EFCAB6: variants seen among roughly 807,000 people sequenced by gnomAD.
EFCAB6 encodes the protein EF-hand calcium-binding domain-containing protein 6.
A neutral mutation model predicts 169.8 loss-of-function variants in EFCAB6; 156 were observed. The ratio of observed to expected loss-of-function variants is 0.92; its 90% confidence interval spans 0.81 to 1.05. The LOEUF (loss-of-function observed/expected upper bound fraction) is 1.05, where lower values mean the gene tolerates loss of function less well. Among genes scored for constraint, EFCAB6 ranks in the 50% least tolerant of loss-of-function variants. The probability of loss-of-function intolerance (pLI) is 0.00; values close to 1 mark genes in which losing one functional copy is unlikely to be tolerated. For missense variants in EFCAB6, 1,800 were observed against 1,829.1 expected (o/e 0.98, Z 0.29); for synonymous variants, 698 against 676.4 (o/e 1.03, Z -0.50).
rs146948595 is a variant in EFCAB6 at position 43,643,751 on chromosome 22, A to T, written c.1984-8535T>A. On this transcript the variant is annotated intron_variant, in intron 17 of 31. Transcript: ENST00000262726. ...TGTTTGGAACAGGTCTACAGCAGGG[A>T]TAGGGTGTCTATGAGTCAGCAACTA... Among the ~76,000 whole-genome samples the T allele has an allele frequency of 6.8e-3, 1,029 of 152,242 alleles. 10 individuals are homozygous for T. The highest frequency in any genetic ancestry group is 0.024 in the African/African-American group (998 of 41,556).
At chr22:43,629,455 G>GCCC (rs1025296397) in intron 19 of EFCAB6, among the ~76,000 whole-genome samples, 10 of 152,212 alleles carry the variant, frequency 6.6e-5, no homozygotes, top group Admixed American at 6.5e-4. Context: ...CCTGTGTGTG[G>GCCC]CCCTCCAGTT....
intron 9 of EFCAB6, among the ~76,000 whole-genome samples, chr22:43,714,387 A>G (rs1348453999): frequency 1.3e-5 from 2 of 152,198 alleles, no homozygotes; most frequent in African/African-American, 4.8e-5. Context: ...ACTATGACAC[A>G]GTATCCATTG....
intron 20 of EFCAB6, among the ~76,000 whole-genome samples, chr22:43,618,093 C>T (rs2147745056): frequency 7.3e-6 from 1 of 137,212 alleles, no homozygotes; most frequent in South Asian, 2.4e-4. Flanking sequence ...CAGAGTGAGA[C>T]TCCATCTCAA....
chr22:43,595,252 G>A (rs1413006553), intron 23 of EFCAB6, among the ~76,000 whole-genome samples: 1 of 151,664 alleles, frequency 6.6e-6, no homozygotes, highest in South Asian at 2.1e-4. Flanking sequence ...ACCTAAATTA[G>A]TAGAAAGGAA....
intron 10 of EFCAB6, among the ~76,000 whole-genome samples, chr22:43,702,790 T>TA (rs1222580362): frequency 6.6e-6 from 1 of 152,050 alleles, no homozygotes; most frequent in African/African-American, 2.4e-5. Flanking sequence ...CTCCCAGAAA[T>TA]AAAAAGAAGT....
intron 9 of EFCAB6, among the ~76,000 whole-genome samples, chr22:43,711,841 G>A (rs1035483077): frequency 7.9e-5 from 12 of 152,136 alleles, no homozygotes; most frequent in African/African-American, 2.9e-4. Flanking sequence ...AGGCAGACAC[G>A]TTTCCCAGGG....
intron 17 of EFCAB6, among the ~76,000 whole-genome samples, chr22:43,665,699 A>C (rs1182359192): frequency 6.6e-6 from 1 of 152,194 alleles, no homozygotes; most frequent in Non-Finnish European, 1.5e-5. Context: ...AAACTGCTCT[A>C]ATCAAAATCA....
chr22:43,578,297 C>T (rs1251303011), intron 25 of EFCAB6, among the ~76,000 whole-genome samples: 1 of 152,104 alleles, frequency 6.6e-6, no homozygotes, highest in Admixed American at 6.5e-5. Flanking sequence ...GGGCTTGTGG[C>T]CCCCCAGCAC....
chr22:43,541,066 A>G (rs2047687251), intron 27 of EFCAB6, among the ~76,000 whole-genome samples: 1 of 152,128 alleles, frequency 6.6e-6, no homozygotes, highest in African/African-American at 2.4e-5. Context: ...TTCCAATTTG[A>G]TTTTTGCACA....
intron 26 of EFCAB6, among the ~76,000 whole-genome samples, chr22:43,559,324 G>A (rs900215089): frequency 3.3e-5 from 5 of 152,136 alleles, no homozygotes; most frequent in Non-Finnish European, 2.9e-5. Context: ...ACCCTCTTAC[G>A]CCAGTTAGAA....
intron 5 of EFCAB6, among the ~76,000 whole-genome samples, chr22:43,760,362 A>T (rs1023241172): frequency 1.3e-5 from 2 of 152,212 alleles, no homozygotes; most frequent in African/African-American, 2.4e-5. Context: ...GTGTCAGTCT[A>T]ACTGTCACTC....
At chr22:43,780,486 C>CA (rs34634496) in intron 3 of EFCAB6, among the ~76,000 whole-genome samples, 24,071 of 49,130 alleles carry the variant, frequency 0.49, 6,517 homozygotes, top group African/African-American at 0.61. Flanking sequence ...GACTCTGTCT[C>CA]AAAAAAAAAA....
intron 24 of EFCAB6, among the ~76,000 whole-genome samples, chr22:43,584,043 T>A (rs1187330809): frequency 2.0e-5 from 3 of 152,186 alleles, no homozygotes; most frequent in Non-Finnish European, 4.4e-5. Context: ...GTTATAATAA[T>A]AAAATGGTAT....
chr22:43,716,923 CA>C lies in EFCAB6; in HGVS notation c.806del (p.Leu269CysfsTer2), dbSNP rs1264357654. On this transcript the variant is annotated frameshift_variant, in exon 9 of 32. Coordinates refer to ENST00000262726, the MANE Select transcript of EFCAB6 (RefSeq NM_022785.4). LOFTEE classifies it high-confidence loss of function. Reference sequence around the variant, plus strand: ...TATCTTCAGATGATGCAGAACCTAGCAAACGTTCCTTTTTGGAATTTTTGGC... The same window carrying C: ...TATCTTCAGATGATGCAGAACCTAGCAACGTTCCTTTTTGGAATTTTTGGC... The part of the protein sequence containing the change: ...QQAKNSKKER[L>X]LGSASSEDIW... 1 of 1,580,708 alleles carries C rather than the reference CA, an allele frequency of 6.3e-7. No individual in the cohort carries two copies. The highest frequency in any genetic ancestry group is 1.8e-5 in the Admixed American group (1 of 54,746).
intron 12 of EFCAB6, among the ~76,000 whole-genome samples, chr22:43,681,596 T>TTTG (rs1332122772): frequency 7.5e-4 from 114 of 152,360 alleles, no homozygotes; most frequent in Middle Eastern, 3.4e-3. Context: ...GACATATTTC[T>TTTG]ATGTATTTGA....
intron 5 of EFCAB6, 105 bp from the exon 6 acceptor site, chr22:43,755,937 T>G (rs1039136552): frequency 1.8e-6 from 2 of 1,121,176 alleles, no homozygotes; most frequent in East Asian, 5.4e-5. Context: ...TAATCTATTT[T>G]AAAATGCAAG....
intron 6 of EFCAB6, among the ~76,000 whole-genome samples, chr22:43,754,242 G>A (rs1198322781): frequency 3.3e-5 from 5 of 152,202 alleles, no homozygotes; most frequent in Non-Finnish European, 1.5e-5. Flanking sequence ...AAGCCACACA[G>A]CAGCACGTCA....
chr22:43,662,270 A>G (rs1474818045), intron 17 of EFCAB6, among the ~76,000 whole-genome samples: 1 of 152,010 alleles, frequency 6.6e-6, no homozygotes, highest in East Asian at 1.9e-4. Flanking sequence ...CTCAGCAGCA[A>G]CAATGCAGGG....
intron 26 of EFCAB6, among the ~76,000 whole-genome samples, chr22:43,559,540 C>T (rs993363362): frequency 2.0e-5 from 3 of 152,310 alleles, no homozygotes; most frequent in Admixed American, 2.0e-4. Flanking sequence ...ATAAATGATT[C>T]TACTATAAAG....
Sources: gnomAD v4.1 joint callset for allele counts (sites outside exome capture counted in the v4.1 genomes callset) on GRCh38, gnomAD v4.1.1 for gene constraint, MANE v1.5 for transcripts, NCBI Gene and HGNC (gene_info 2026-07-23, HGNC 2026-07-21) for gene names.